Variants in RBFOX1 observed in about 807,000 individuals in gnomAD.
RBFOX1 encodes the protein RNA binding fox-1 homolog 1, also known as RNA binding protein fox-1 homolog 1.
In RBFOX1, 8 loss-of-function variants were observed where a neutral mutation model predicts 57.7. The observed-to-expected ratio is 0.14, with a 90% CI of 0.08 to 0.25. RBFOX1 has a LOEUF of 0.25. RBFOX1 is among the 10% of genes least tolerant of loss of function. The probability of loss-of-function intolerance (pLI) is 1.00; values close to 1 mark genes in which losing one functional copy is unlikely to be tolerated. For missense variants in RBFOX1, 611 were observed against 548.5 expected (o/e 1.11, Z -1.14); for synonymous variants, 326 against 222.4 (o/e 1.47, Z -4.15).
intron 1 of RBFOX1, among the ~76,000 whole-genome samples, chr16:5,427,859 A>C (rs1343065529): frequency 6.6e-6 from 1 of 152,154 alleles, no homozygotes; most frequent in Non-Finnish European, 1.5e-5. Flanking sequence ...CCCTCCCAGA[A>C]ACATCCAGAA....
intron 3 of RBFOX1, among the ~76,000 whole-genome samples, chr16:6,924,876 C>T (rs968287326): frequency 2.8e-5 from 4 of 141,168 alleles, no homozygotes; most frequent in African/African-American, 1.1e-4. Flanking sequence ...TGTGATGTTC[C>T]CCTTCCTGTG....
chr16:5,769,681 C>G (rs1031338297), intron 3 of RBFOX1, among the ~76,000 whole-genome samples: 1 of 151,896 alleles, frequency 6.6e-6, no homozygotes, highest in Admixed American at 6.6e-5. Context: ...TGGACACAAA[C>G]AAATACAGGA....
intron 4 of RBFOX1, among the ~76,000 whole-genome samples, chr16:5,945,881 C>A (rs1418433939): frequency 1.3e-5 from 2 of 152,162 alleles, no homozygotes; most frequent in Non-Finnish European, 2.9e-5. Flanking sequence ...CAAAGCCCCT[C>A]CCACAGGGTG....
intron 2 of RBFOX1, among the ~76,000 whole-genome samples, chr16:5,502,896 A>G (rs545742568): frequency 3.3e-5 from 5 of 152,310 alleles, no homozygotes; most frequent in African/African-American, 1.2e-4. Flanking sequence ...ATCTTGAACA[A>G]TACAGTCCCT....
chr16:7,538,118 G>C (rs1043398579), intron 5 of RBFOX1, among the ~76,000 whole-genome samples: 2 of 152,170 alleles, frequency 1.3e-5, no homozygotes, highest in African/African-American at 4.8e-5. Flanking sequence ...AAAGAGTTGT[G>C]AGTATTGCCC....
chr16:6,625,631 T>C (rs968736486), intron 2 of RBFOX1, among the ~76,000 whole-genome samples: 1 of 152,190 alleles, frequency 6.6e-6, no homozygotes, highest in Non-Finnish European at 1.5e-5. Context: ...TTTTCAGAAC[T>C]ATGTAGTTCC....
chr16:6,410,193 TGTGTGTG>T (rs1450560754), intron 2 of RBFOX1, among the ~76,000 whole-genome samples: 56 of 150,760 alleles, frequency 3.7e-4, no homozygotes, highest in African/African-American at 1.3e-3. Context: ...TGTGTGTGTG[TGTGTGTG>T]TGTGCTGGTG....
At chr16:6,503,488 G>C (rs969671564) in intron 2 of RBFOX1, among the ~76,000 whole-genome samples, 1 of 152,212 alleles carries the variant, frequency 6.6e-6, no homozygotes, top group African/African-American at 2.4e-5. Context: ...CATTTCTTCT[G>C]ATGGTTTCAT....
intron 4 of RBFOX1, among the ~76,000 whole-genome samples, chr16:7,397,894 A>T (rs8059149): frequency 0.047 from 7,186 of 152,158 alleles, 436 homozygotes; most frequent in African/African-American, 0.14. Context: ...TGTAAAACAG[A>T]TGAAACTACC....
At position 7,710,916 on chromosome 16, in the gene RBFOX1, C is replaced by T. The variant is rs1375330362; in HGVS notation, c.*171C>T. The T allele has an allele frequency of 3.9e-6, 3 of 776,988 alleles. No homozygotes were observed. Among genetic ancestry groups the T allele is most frequent in the Non-Finnish European group, 5.4e-6 (3 of 557,130 alleles). The allele number at this position is 776,988 out of a possible 1,614,324, so 48.1% of individuals were successfully genotyped here. On this transcript the variant is annotated 3_prime_UTR_variant, in exon 16 of 16. Coordinates refer to ENST00000550418, the MANE Select transcript of RBFOX1 (RefSeq NM_018723.4). ...TATCTTATACCTCAGATATTTTGTT[C>T]TGTGTATTTTAATATTGTGGGTCTT...
intron 2 of RBFOX1, among the ~76,000 whole-genome samples, chr16:6,457,354 G>C (rs1158209974): frequency 2.0e-5 from 3 of 151,430 alleles, no homozygotes; most frequent in Non-Finnish European, 4.4e-5. Flanking sequence ...GACTCAAGAA[G>C]TACTCAGAGT....
chr16:7,497,540 G>C (rs546741011), intron 4 of RBFOX1, among the ~76,000 whole-genome samples: 17 of 152,268 alleles, frequency 1.1e-4, no homozygotes, highest in African/African-American at 3.9e-4. Context: ...ATCTGCATGA[G>C]AGCAGGACTA....
At chr16:6,156,693 C>G (rs1351610448) in intron 1 of RBFOX1, among the ~76,000 whole-genome samples, 1 of 152,100 alleles carries the variant, frequency 6.6e-6, no homozygotes, top group Non-Finnish European at 1.5e-5. Flanking sequence ...CTGCCACTGA[C>G]CTGAGTTGTT....
At chr16:7,139,176 C>CTCTCTCTCTGTGTGTG (rs372381673) in intron 4 of RBFOX1, among the ~76,000 whole-genome samples, 14,097 of 145,804 alleles carry the variant, frequency 0.097, 819 homozygotes, top group Middle Eastern at 0.15. Context: ...CAATCTCTCT[C>CTCTCTCTCTGTGTGTG]TGTGTGTGTG....
chr16:5,259,007 TG>T (rs2062660926), intron 1 of RBFOX1, among the ~76,000 whole-genome samples: 1 of 151,718 alleles, frequency 6.6e-6, no homozygotes, highest in African/African-American at 2.4e-5. Context: ...CCCCCTCCTG[TG>T]GGGAGGAGGG....
At position 6,637,421 on chromosome 16, in the gene RBFOX1, A is replaced by ATG. The variant is rs2098452848; in HGVS notation, c.-63-17181_-63-17180insGT. Among the ~76,000 whole-genome samples, 3 of 11,602 alleles carry ATG rather than the reference A, an allele frequency of 2.6e-4. 1 individual carries two copies. Among genetic ancestry groups the ATG allele is most frequent in the South Asian group, 0.071 (1 of 14 alleles). 7.6% of individuals were successfully genotyped at this position (11,602 alleles called of 152,430 possible). ...ATTAAATATATATATTATATAATAT[A>ATG]TAAATATATTATATAAATATATGTA... is the stretch of plus-strand genomic sequence containing the variant. On this transcript the variant is annotated intron_variant, in intron 2 of 15. Coordinates refer to ENST00000550418, the MANE Select transcript of RBFOX1 (RefSeq NM_018723.4).
intron 2 of RBFOX1, among the ~76,000 whole-genome samples, chr16:6,452,436 C>G (rs969205013): frequency 1.3e-5 from 2 of 152,012 alleles, no homozygotes; most frequent in Admixed American, 6.6e-5. Context: ...CCTGCCATGA[C>G]TCCATCCATG....
intron 4 of RBFOX1, among the ~76,000 whole-genome samples, chr16:7,497,850 C>G (rs1455472871): frequency 6.6e-6 from 1 of 152,230 alleles, no homozygotes; most frequent in Non-Finnish European, 1.5e-5. Flanking sequence ...AAGAGCCCTT[C>G]TCTGACCTCA....
chr16:7,027,413 A>C (rs1177168342), intron 3 of RBFOX1, among the ~76,000 whole-genome samples: 1 of 152,124 alleles, frequency 6.6e-6, no homozygotes, highest in Non-Finnish European at 1.5e-5. Flanking sequence ...TAAGTTAGAC[A>C]CCCTTAACAT....
Sources: allele counts gnomAD v4.1 joint callset (sites outside exome capture counted in the v4.1 genomes callset), GRCh38; gene constraint gnomAD v4.1.1; transcripts MANE v1.5; gene names NCBI Gene and HGNC (gene_info 2026-07-23, HGNC 2026-07-21).